The following ADAMDEC1 variants were observed in gnomAD, a reference collection of about 807,000 sequenced individuals.
ADAMDEC1 encodes ADAM DEC1.
In ADAMDEC1, 62 loss-of-function variants were observed where a neutral mutation model predicts 60.4. That is an observed-to-expected ratio of 1.03 (90% CI 0.84 to 1.27). The LOEUF is 1.27. Among genes scored for constraint, ADAMDEC1 ranks in the 50% most tolerant of loss-of-function variants. The pLI, the probability that ADAMDEC1 is intolerant of heterozygous loss-of-function variation, is 0.00. For missense variants in ADAMDEC1, 595 were observed against 565.0 expected (o/e 1.05, Z -0.54); for synonymous variants, 210 against 195.1 (o/e 1.08, Z -0.64).
At chr8:24,405,262 G>A (rs749964343) in intron 13 of ADAMDEC1, 30 bp from the exon 14 acceptor site, 5 of 1,607,796 alleles carry the variant, frequency 3.1e-6, no homozygotes, top group Non-Finnish European at 4.3e-6. Flanking sequence ...AATAACCCTG[G>A]CTTCCAAATT....
intron 1 of ADAMDEC1, among the ~76,000 whole-genome samples, chr8:24,390,720 AAAAC>A (rs1817422257): frequency 0.037 from 18 of 492 alleles, no homozygotes; most frequent in Admixed American, 0.21. Flanking sequence ...ACTCTGTCTC[AAAAC>A]AAAACAAAAC....
rs1289549365 is a variant in ADAMDEC1 at position 24,384,672 on chromosome 8, G to T, written c.88+80G>T. On this transcript the variant is annotated intron_variant, in intron 1 of 13. Transcript: ENST00000256412. ...TTAAAGTGCCTTTTGAAAAAAAATGGCATATGTTTTTATGGTCGAAAGACC... is the reference window on the plus strand; with the variant it reads ...TTAAAGTGCCTTTTGAAAAAAAATGTCATATGTTTTTATGGTCGAAAGACC... 5 of 1,333,984 alleles carry T rather than the reference G, an allele frequency of 3.7e-6. No individual in the cohort carries two copies. In the African/African-American group the frequency reaches 5.9e-5, roughly 16 times the overall value. 82.6% of individuals were successfully genotyped at this position (1,333,984 alleles called of 1,614,324 possible).
intron 3 of ADAMDEC1, 74 bp downstream of exon 3, chr8:24,393,412 A>C: frequency 9.4e-7 from 1 of 1,063,032 alleles, no homozygotes; most frequent in East Asian, 2.5e-5. Context: ...TTGAGGCTCC[A>C]TTTAGTGTGG....
intron 7 of ADAMDEC1, among the ~76,000 whole-genome samples, chr8:24,398,207 G>A (rs982744556): frequency 1.1e-4 from 17 of 150,946 alleles, no homozygotes; most frequent in Non-Finnish European, 2.2e-4. Context: ...CACATGATTC[G>A]GTTTAAAAAC....
chr8:24,395,695 G>C, intron 4 of ADAMDEC1, 25 bp from the exon 5 acceptor site: 1 of 1,516,904 alleles, frequency 6.6e-7, no homozygotes. Context: ...CATTTCTGAA[G>C]CATAATTTCT....
intron 2 of ADAMDEC1, 138 bp downstream of exon 2, chr8:24,392,518 T>A (rs1817471853): frequency 5.2e-6 from 3 of 580,690 alleles, no homozygotes; most frequent in Non-Finnish European, 5.9e-6. Context: ...CTCCCCTTTG[T>A]TCAGGAGACA....
At position 24,384,286 on chromosome 8, in the gene ADAMDEC1, G is replaced by T. The variant is rs1465476795; in HGVS notation, c.-219G>T. ...GAGCACCAGGGGCAAACAGTGTCCAGATGTGAGTCCTCAATGAGCTATAAC... is the reference window on the plus strand; with the variant it reads ...GAGCACCAGGGGCAAACAGTGTCCATATGTGAGTCCTCAATGAGCTATAAC... On this transcript the variant is annotated 5_prime_UTR_variant, in exon 1 of 14. Coordinates refer to ENST00000256412, the MANE Select transcript of ADAMDEC1 (RefSeq NM_014479.3). The T allele has an allele frequency of 2.7e-5, 14 of 521,706 alleles. No homozygotes were observed. The highest frequency in any genetic ancestry group is 4.7e-5 in the Non-Finnish European group (14 of 295,568). The allele number at this position is 521,706 out of a possible 1,614,324, so 32.3% of individuals were successfully genotyped here. A position where few individuals can be genotyped will look rare whatever the true frequency, so the allele number is the denominator to read the frequency against.
intron 10 of ADAMDEC1, among the ~76,000 whole-genome samples, chr8:24,399,686 T>A (rs997843877): frequency 6.6e-6 from 1 of 152,164 alleles, no homozygotes; most frequent in East Asian, 1.9e-4. Context: ...GCCATATCAT[T>A]CTTTAGTTCA....
In ADAMDEC1 at chr8:24,402,036, G is replaced by C; in HGVS notation, c.1264G>C (p.Val422Leu). 6.2e-7 allele frequency: 1 copy of C among 1,613,212 alleles called. No homozygotes were observed. The highest frequency in any genetic ancestry group is 8.5e-7 in the Non-Finnish European group (1 of 1,179,382). The part of the protein sequence containing the change: ...PIPTNIMTTP[V>L]CGNHLLEVGE... ...TCCTACAAATATAATGACAACACCA[G>C]TGTGTGGGAACCACCTTCTAGAAGT... is the stretch of plus-strand genomic sequence containing the variant. Residue 422 changes from valine to leucine, a missense_variant, in exon 12 of 14, where the codon GTG becomes CTG. Val to Leu is a conservative substitution (Grantham distance 32, BLOSUM62 1). Transcript: ENST00000256412.
At chr8:24,399,155 AT>A in intron 9 of ADAMDEC1, 115 bp downstream of exon 9, 1 of 1,226,482 alleles carries the variant, frequency 8.2e-7, no homozygotes, top group South Asian at 1.6e-5. Context: ...AGTGCTTGAC[AT>A]TTTACCACTA....
At position 24,392,320 on chromosome 8, in the gene ADAMDEC1, A is replaced by C; in HGVS notation, c.147A>C (p.Lys49Asn). ...LTLHEIVCPK[K>N]LHILHKREIK... is the part of the protein sequence containing the mutation. ...TCCATGAAATAGTTTGTCCTAAAAA[A>C]CTTCACATTTTACACAAAAGAGAGA... Residue 49 changes from lysine (K) to asparagine (N), a missense_variant, in exon 2 of 14, where the codon AAA (lysine) becomes AAC (asparagine). Transcript: ENST00000256412. 6.2e-7 allele frequency: 1 copy of C among 1,612,080 alleles called. No individual in the cohort carries two copies. Among genetic ancestry groups the C allele is most frequent in the African/African-American group, 1.3e-5 (1 of 74,996 alleles).
At chr8:24,398,433 C>T in intron 7 of ADAMDEC1, 47 bp from the exon 8 acceptor site, 1 of 1,111,688 alleles carries the variant, frequency 9.0e-7, no homozygotes, top group South Asian at 1.4e-5. Flanking sequence ...TCAGCTTTCT[C>T]AGTGTAATCT....
chr8:24,395,752 TGAAAA>T lies in ADAMDEC1; in HGVS notation c.400_404del (p.Lys134PhefsTer9). ...GTTACTATAAAGGAAACATCCTAAA[TGAAAA>T]GAATTCTGTTGCCAGCATCAGTACT... On this transcript the variant is annotated frameshift_variant, in exon 5 of 14. Transcript: ENST00000256412. LOFTEE classifies it high-confidence loss of function. The T allele has an allele frequency of 1.2e-6, 2 of 1,613,602 alleles. No individual in the cohort carries two copies. The highest frequency in any genetic ancestry group is 2.7e-5 in the African/African-American group (2 of 75,018).
At chr8:24,390,137 T>G in intron 1 of ADAMDEC1, 1 of 688,400 alleles carries the variant, frequency 1.5e-6, no homozygotes. Flanking sequence ...AGCCTCAAAC[T>G]GTGCGTGGCC....
chr8:24,395,176 G>A (rs1322282373), intron 4 of ADAMDEC1, among the ~76,000 whole-genome samples: 1 of 152,246 alleles, frequency 6.6e-6, no homozygotes, highest in Non-Finnish European at 1.5e-5. Flanking sequence ...AATTAAAACA[G>A]TGATTAAATC....
At chr8:24,398,304 C>G (rs1817668351) in intron 7 of ADAMDEC1, among the ~76,000 whole-genome samples, 176 bp from the exon 8 acceptor site, 1 of 151,852 alleles carries the variant, frequency 6.6e-6, no homozygotes, top group Non-Finnish European at 1.5e-5. Flanking sequence ...CAAAAAACTC[C>G]TAACATTTGA....
At chr8:24,400,125 CAATTA>C (rs1817722818) in intron 10 of ADAMDEC1, 40 bp from the exon 11 acceptor site, 1 of 1,437,878 alleles carries the variant, frequency 7.0e-7, no homozygotes, top group Non-Finnish European at 9.2e-7. Flanking sequence ...ACATTGGCAA[CAATTA>C]AATAAAAAAA....
chr8:24,398,647 C>A, intron 8 of ADAMDEC1, 96 bp downstream of exon 8: 1 of 1,059,538 alleles, frequency 9.4e-7, no homozygotes, highest in Non-Finnish European at 1.4e-6. Flanking sequence ...AAAAAGATCC[C>A]AAATGTCTTA....
chr8:24,396,708 A>T (rs940963801), intron 5 of ADAMDEC1, among the ~76,000 whole-genome samples: 1 of 152,240 alleles, frequency 6.6e-6, no homozygotes, highest in Non-Finnish European at 1.5e-5. Flanking sequence ...AGTTCTTCAC[A>T]TATCATAAAA....
Sources: allele counts gnomAD v4.1 joint callset (sites outside exome capture counted in the v4.1 genomes callset), GRCh38; gene constraint gnomAD v4.1.1; transcripts MANE v1.5; gene names NCBI Gene and HGNC (gene_info 2026-07-23, HGNC 2026-07-21).